The following C8A variants were observed in gnomAD, a reference collection of about 807,000 sequenced individuals.
C8A encodes the protein complement component C8 alpha chain.
A neutral mutation model predicts 65.3 loss-of-function variants in C8A; 67 were observed. The ratio of observed to expected loss-of-function variants is 1.03; its 90% CI spans 0.84 to 1.26. The LOEUF (loss-of-function observed/expected upper bound fraction) is 1.26, where lower values mean the gene tolerates loss of function less well. Ranked by LOEUF, C8A falls within the 50% of genes most tolerant of loss-of-function variation. The pLI, the probability that C8A is intolerant of heterozygous loss-of-function variation, is 0.00. For synonymous variants in C8A, 290 were observed against 259.4 expected, an observed-to-expected ratio of 1.12 and a Z score of -1.13; for missense variants, 781 against 723.9, an observed-to-expected ratio of 1.08 and a Z score of -0.90.
chr1:56,865,523 A>G (rs1371643247), intron 1 of C8A, among the ~76,000 whole-genome samples: 2 of 152,182 alleles, frequency 1.3e-5, no homozygotes, highest in African/African-American at 2.4e-5. Flanking sequence ...ACTTCCTAAT[A>G]CCATCAGATT....
chr1:56,908,160 A>G (rs1327115246), intron 9 of C8A, 47 bp downstream of exon 9: 1 of 1,576,558 alleles, frequency 6.3e-7, no homozygotes, highest in Non-Finnish European at 8.7e-7. Flanking sequence ...TGAGGAATGA[A>G]AGTGAAGCAG....
chr1:56,910,377 C>T (rs17114572), intron 9 of C8A, among the ~76,000 whole-genome samples: 9,903 of 152,248 alleles, frequency 0.065, 549 homozygotes, highest in African/African-American at 0.14. Flanking sequence ...AATACCTTTT[C>T]AAGCTCTAAC....
chr1:56,895,843 G>A (rs1644383747), intron 7 of C8A, among the ~76,000 whole-genome samples: 1 of 152,100 alleles, frequency 6.6e-6, no homozygotes, highest in Non-Finnish European at 1.5e-5. Context: ...CGGCTACTTG[G>A]GAGGATGAGG....
intron 9 of C8A, among the ~76,000 whole-genome samples, chr1:56,909,683 G>A (rs1184647547): frequency 1.3e-5 from 2 of 152,206 alleles, no homozygotes; most frequent in Admixed American, 6.5e-5. Flanking sequence ...GATTGGGTGA[G>A]AGGGAGGAGA....
chr1:56,880,421 A>T (rs568422897), intron 4 of C8A, among the ~76,000 whole-genome samples: 1 of 152,090 alleles, frequency 6.6e-6, no homozygotes, highest in Non-Finnish European at 1.5e-5. Context: ...TCAGCATCAC[A>T]AAAACCATGA....
chr1:56,916,762 C>T (rs558987740), intron 10 of C8A, among the ~76,000 whole-genome samples: 1 of 152,334 alleles, frequency 6.6e-6, no homozygotes, highest in Non-Finnish European at 1.5e-5. Context: ...CTGGATTAGT[C>T]CATCCTTCTC....
intron 7 of C8A, among the ~76,000 whole-genome samples, chr1:56,896,755 T>A (rs978687785): frequency 6.6e-6 from 1 of 152,130 alleles, no homozygotes; most frequent in Non-Finnish European, 1.5e-5. Flanking sequence ...CAGATGTCAA[T>A]AACAACTGTG....
At chr1:56,859,758 T>TA (rs201764661) in intron 1 of C8A, among the ~76,000 whole-genome samples, 4 of 84,962 alleles carry the variant, frequency 4.7e-5, no homozygotes, top group Non-Finnish European at 8.7e-5. Flanking sequence ...AATAAATATA[T>TA]AAAAAAAAAT....
intron 2 of C8A, among the ~76,000 whole-genome samples, chr1:56,871,447 A>G (rs1644146631): frequency 6.6e-6 from 1 of 152,252 alleles, no homozygotes; most frequent in Non-Finnish European, 1.5e-5. Context: ...TGACATTGAT[A>G]ACTACTATTA....
intron 1 of C8A, among the ~76,000 whole-genome samples, chr1:56,856,586 C>G: frequency 6.6e-6 from 1 of 152,100 alleles, no homozygotes; most frequent in Middle Eastern, 3.4e-3. Flanking sequence ...ACTCTTTTTC[C>G]CTGCAAAATA....
At chr1:56,896,408 G>C (rs1176450365) in intron 7 of C8A, among the ~76,000 whole-genome samples, 2 of 152,078 alleles carry the variant, frequency 1.3e-5, no homozygotes. Flanking sequence ...AGGCCAGCAG[G>C]CTTGAGACCC....
intron 1 of C8A, among the ~76,000 whole-genome samples, chr1:56,860,226 G>A (rs943345628): frequency 4.6e-5 from 7 of 152,210 alleles, no homozygotes; most frequent in South Asian, 4.1e-4. Flanking sequence ...GAGAAGCCGG[G>A]TGAAGAGCAG....
At chr1:56,888,183 T>C (rs1195333358) in intron 7 of C8A, among the ~76,000 whole-genome samples, 1 of 152,174 alleles carries the variant, frequency 6.6e-6, no homozygotes, top group Non-Finnish European at 1.5e-5. Flanking sequence ...TAGCAAGATA[T>C]TTGAAAAAAG....
At chr1:56,897,576 A>G (rs1056040438) in intron 7 of C8A, among the ~76,000 whole-genome samples, 2 of 152,224 alleles carry the variant, frequency 1.3e-5, no homozygotes, top group African/African-American at 4.8e-5. Flanking sequence ...TTAAAATAAG[A>G]CAAAGGCAGC....
chr1:56,861,967 G>T (rs1485395362), intron 1 of C8A, among the ~76,000 whole-genome samples: 1 of 152,150 alleles, frequency 6.6e-6, no homozygotes, highest in Non-Finnish European at 1.5e-5. Flanking sequence ...TTTGACTTGC[G>T]CATTGCTTAT....
intron 4 of C8A, among the ~76,000 whole-genome samples, chr1:56,880,279 T>C (rs897785699): frequency 4.6e-5 from 7 of 151,932 alleles, no homozygotes; most frequent in Non-Finnish European, 1.0e-4. Context: ...GGAACCCGGG[T>C]TGATGATTTT....
intron 7 of C8A, among the ~76,000 whole-genome samples, chr1:56,890,279 T>G (rs1644334564): frequency 6.6e-6 from 1 of 152,118 alleles, no homozygotes; most frequent in Admixed American, 6.6e-5. Flanking sequence ...CATCCCCACC[T>G]CTGTGAAACC....
chr1:56,898,424 T>C (rs1387127459), intron 7 of C8A, among the ~76,000 whole-genome samples: 1 of 152,180 alleles, frequency 6.6e-6, no homozygotes, highest in East Asian at 1.9e-4. Flanking sequence ...GGGTGCACTA[T>C]ACTGAGCAAC....
At chr1:56,882,438 G>A (rs569329769) in intron 5 of C8A, among the ~76,000 whole-genome samples, 9 of 152,138 alleles carry the variant, frequency 5.9e-5, no homozygotes, top group Non-Finnish European at 1.2e-4. Context: ...GGGTTAAAGT[G>A]TCAGGATCAA....
Sources: gnomAD v4.1 joint callset for allele counts (sites outside exome capture counted in the v4.1 genomes callset) on GRCh38, gnomAD v4.1.1 for gene constraint, MANE v1.5 for transcripts, NCBI Gene and HGNC (gene_info 2026-07-23, HGNC 2026-07-21) for gene names.